Variants in SLC25A34 observed in about 807,000 individuals in gnomAD.
The protein encoded by SLC25A34 is solute carrier family 25 member 34, also known as solute carrier family 25, member 34.
A neutral mutation model predicts 28.1 loss-of-function variants in SLC25A34; 26 were observed. That is an observed-to-expected ratio of 0.93 (90% confidence interval 0.68 to 1.28). SLC25A34 has a LOEUF of 1.28. Among genes scored for constraint, SLC25A34 ranks in the 50% most tolerant of loss-of-function variants. The probability of loss-of-function intolerance (pLI) is 0.00; values close to 1 mark genes in which losing one functional copy is unlikely to be tolerated. For missense variants in SLC25A34, 384 were observed against 409.8 expected (o/e 0.94, Z 0.54); for synonymous variants, 182 against 182.2 (o/e 1.00, Z 0.01).
intron 1 of SLC25A34, 45 bp downstream of exon 1, chr1:15,736,908 C>A: frequency 6.8e-7 from 1 of 1,463,226 alleles, no homozygotes; most frequent in East Asian, 2.5e-5. Flanking sequence ...ATCCCATGAC[C>A]CAGCTCCCAC....
chr1:15,736,800 C>T lies in SLC25A34; in HGVS notation c.315C>T (p.Gly105=), dbSNP rs2068229350. Residue 105 remains glycine (G), a synonymous_variant, in exon 1 of 5, where the codon GGC becomes GGT. Transcript: ENST00000294454. The stretch of plus-strand genomic sequence containing the variant: ...CTGGCCTCACGCAGCAACCAGGTGG[C>T]ACCGTGGTTGCGGGAGCCGTGGCGG... ...CQAGLTQQPG[G]TVVAGAVAGA... 6.2e-7 allele frequency: 1 copy of T among 1,600,396 alleles called. No homozygotes were observed. Among genetic ancestry groups the T allele is most frequent in the Non-Finnish European group, 8.5e-7 (1 of 1,176,956 alleles).
intron 1 of SLC25A34, among the ~76,000 whole-genome samples, chr1:15,737,540 A>G (rs1359618161): frequency 6.6e-6 from 1 of 151,492 alleles, no homozygotes; most frequent in African/African-American, 2.4e-5. Flanking sequence ...ACTGTACTTC[A>G]GCCTGGGCAA....
rs2068273332 is a variant in SLC25A34 at position 15,740,845 on chromosome 1, A to T, written c.*1439A>T. The T allele has an allele frequency of 6.6e-6, 1 of 152,082 alleles. No individual in the cohort carries two copies. The highest frequency in any genetic ancestry group is 2.4e-5 in the African/African-American group (1 of 41,366). 9.4% of individuals were successfully genotyped at this position (152,082 alleles called of 1,614,324 possible). On this transcript the variant is annotated 3_prime_UTR_variant, in exon 5 of 5. Coordinates refer to ENST00000294454, the MANE Select transcript of SLC25A34 (RefSeq NM_207348.3). ...GCTGGGACTATAGGTGTGCGCCACC[A>T]TGCCCAGCTAATTTTGTATTTTTAG...
In SLC25A34 at chr1:15,738,921, A is replaced by G. The variant is rs554026815; in HGVS notation, c.732+193A>G. ...CCCGGGTCCCAGGCACAGGCTAAGC[A>G]CTTTCACATCTGGATTTTATTCCAT... On this transcript the variant is annotated intron_variant, in intron 4 of 4. Transcript: ENST00000294454. The G allele has an allele frequency of 4.5e-4, 313 of 690,384 alleles. No individual in the cohort carries two copies. In the African/African-American group the frequency reaches 5.4e-3, roughly 12 times the overall value. 42.8% of individuals were successfully genotyped at this position (690,384 alleles called of 1,614,324 possible). A position where few individuals can be genotyped will look rare whatever the true frequency, so the allele number is the denominator to read the frequency against.
At position 15,738,611 on chromosome 1, in the gene SLC25A34, C is replaced by T; in HGVS notation, c.615C>T (p.Ser205=). 6.2e-7 allele frequency: 1 copy of T among 1,607,230 alleles called. No homozygotes were observed. The highest frequency in any genetic ancestry group is 8.5e-7 in the Non-Finnish European group (1 of 1,178,264). ...CCCCACAGTGGCTCCCTGAGGACAG[C>T]TGGCTGGTGGCCCTGGCTGGGGGCA... ...VQKQQWLPED[S]WLVALAGGMI... is the part of the protein sequence containing the mutation. Residue 205 remains serine, a synonymous_variant, in exon 4 of 5, where the codon AGC becomes AGT. Transcript: ENST00000294454.
Position 15,736,575 on chromosome 1 carries a change from G to A in SLC25A34, c.90G>A (p.Val30=). ...ACVFTNPLEV[V]KTRLQLQGEL... ...TCTTCACCAACCCCCTGGAGGTGGT[G>A]AAGACGCGGCTGCAGCTGCAGGGGG... Residue 30 remains valine (V), a synonymous_variant, in exon 1 of 5, where the codon GTG becomes GTA. Coordinates refer to ENST00000294454, the MANE Select transcript of SLC25A34 (RefSeq NM_207348.3). 1 of 1,508,754 alleles carries A rather than the reference G, an allele frequency of 6.6e-7. No homozygotes were observed. Among genetic ancestry groups the A allele is most frequent in the Non-Finnish European group, 8.9e-7 (1 of 1,128,818 alleles). The allele number at this position is 1,508,754 out of a possible 1,614,324, so 93.5% of individuals were successfully genotyped here.
rs756521763 is a variant in SLC25A34 at position 15,739,441 on chromosome 1, G to C, written c.*35G>C. The C allele has an allele frequency of 1.0e-5, 15 of 1,487,042 alleles. No homozygotes were observed. Among genetic ancestry groups the C allele is most frequent in the Admixed American group, 4.9e-5 (2 of 40,910 alleles). The allele number at this position is 1,487,042 out of a possible 1,614,324, so 92.1% of individuals were successfully genotyped here. A position where few individuals can be genotyped will look rare whatever the true frequency, so the allele number is the denominator to read the frequency against. On this transcript the variant is annotated 3_prime_UTR_variant, in exon 5 of 5. Transcript: ENST00000294454. ...CTCACCCCCACGTCCTGACACGGCCGGCACTTGGCCGGAAGTGAGAGCCTG... is the reference window on the plus strand; with the variant it reads ...CTCACCCCCACGTCCTGACACGGCCCGCACTTGGCCGGAAGTGAGAGCCTG...
intron 4 of SLC25A34, 107 bp downstream of exon 4, chr1:15,738,835 CAG>C: frequency 7.5e-7 from 1 of 1,338,548 alleles, no homozygotes; most frequent in East Asian, 2.8e-5. Flanking sequence ...CATGCACAGC[CAG>C]AGACACGCAG....
intron 3 of SLC25A34, 147 bp from the exon 4 acceptor site, chr1:15,738,447 G>GT: frequency 6.1e-6 from 8 of 1,316,102 alleles, no homozygotes; most frequent in Non-Finnish European, 8.1e-6. Context: ...GGAGCTCAGG[G>GT]TGGCAGGGCT....
At chr1:15,738,781 AACACACACACAC>A in intron 4 of SLC25A34, 53 bp downstream of exon 4, 1 of 1,333,534 alleles carries the variant, frequency 7.5e-7, no homozygotes, top group Non-Finnish European at 9.8e-7. Flanking sequence ...GCACCCCCCC[AACACACACACAC>A]ACACACACAC....
In SLC25A34 at chr1:15,741,287, C is replaced by A. The variant is rs943898292; in HGVS notation, c.*1881C>A. On this transcript the variant is annotated 3_prime_UTR_variant, in exon 5 of 5. Transcript: ENST00000294454. The stretch of plus-strand genomic sequence containing the variant: ...AGGGGCAGGACTGCTGCCGAGCAGC[C>A]CCACCTGCCCTCCCAGCCACACCCC... 6.5e-6 allele frequency: 1 copy of A among 152,810 alleles called. No homozygotes were observed. The highest frequency in any genetic ancestry group is 6.5e-5 in the Admixed American group (1 of 15,288). The allele number at this position is 152,810 out of a possible 1,614,324, so 9.5% of individuals were successfully genotyped here.
In SLC25A34 at chr1:15,736,796, G is replaced by A; in HGVS notation, c.311G>A (p.Gly104Asp). ...ACQAGLTQQPGGTVVAGAVAG... is the reference protein window; with the variant it reads ...ACQAGLTQQPDGTVVAGAVAG... ...CAGGCTGGCCTCACGCAGCAACCAG[G>A]TGGCACCGTGGTTGCGGGAGCCGTG... Residue 104 changes from glycine to aspartate, a missense_variant, in exon 1 of 5, where the codon GGT (glycine) becomes GAT (aspartate). By Grantham distance (94) the Gly-to-Asp change is moderately conservative. Coordinates refer to ENST00000294454, the MANE Select transcript of SLC25A34 (RefSeq NM_207348.3). 6.2e-7 allele frequency: 1 copy of A among 1,601,388 alleles called. No homozygotes were observed. The highest frequency in any genetic ancestry group is 8.5e-7 in the Non-Finnish European group (1 of 1,177,404).
chr1:15,736,420 C>T lies in SLC25A34; in HGVS notation c.-66C>T, dbSNP rs909752828. On this transcript the variant is annotated 5_prime_UTR_variant, in exon 1 of 5. It adds an upstream start codon to the 5' untranslated region. Transcript: ENST00000294454. ...CCTGCGAGGTTACAGACAGCCTAAA[C>T]GCCACCACCACAGGGCCTGTGCCGT... is the stretch of plus-strand genomic sequence containing the variant. The T allele has an allele frequency of 5.0e-5, 68 of 1,369,050 alleles. No homozygotes were observed. The highest frequency in any genetic ancestry group is 5.8e-5 in the East Asian group (2 of 34,632). 84.8% of individuals were successfully genotyped at this position (1,369,050 alleles called of 1,614,324 possible). A position where few individuals can be genotyped will look rare whatever the true frequency, so the allele number is the denominator to read the frequency against.
At position 15,739,428 on chromosome 1, in the gene SLC25A34, T is replaced by G; in HGVS notation, c.*22T>G. The G allele has an allele frequency of 6.7e-7, 1 of 1,491,086 alleles. No individual in the cohort carries two copies. Among genetic ancestry groups the G allele is most frequent in the Non-Finnish European group, 8.9e-7 (1 of 1,121,408 alleles). 92.4% of individuals were successfully genotyped at this position (1,491,086 alleles called of 1,614,324 possible). A position where few individuals can be genotyped will look rare whatever the true frequency, so the allele number is the denominator to read the frequency against. On this transcript the variant is annotated 3_prime_UTR_variant, in exon 5 of 5. Coordinates refer to ENST00000294454, the MANE Select transcript of SLC25A34 (RefSeq NM_207348.3). ...CTAGACGACGGCCCTCACCCCCACG[T>G]CCTGACACGGCCGGCACTTGGCCGG...
At position 15,740,886 on chromosome 1, in the gene SLC25A34, G is replaced by C. The variant is rs1308859674; in HGVS notation, c.*1480G>C. On this transcript the variant is annotated 3_prime_UTR_variant, in exon 5 of 5. Coordinates refer to ENST00000294454, the MANE Select transcript of SLC25A34 (RefSeq NM_207348.3). The stretch of plus-strand genomic sequence containing the variant: ...GTATTTTTAGTAGAGACAGGCTTTC[G>C]CTGTGTTGGCCAGGCTGGTCTTGAA... 1.3e-5 allele frequency: 2 copies of C among 151,808 alleles called. No homozygotes were observed. Among genetic ancestry groups the C allele is most frequent in the Admixed American group, 1.3e-4 (2 of 15,244 alleles). The allele number at this position is 151,808 out of a possible 1,614,324, so 9.4% of individuals were successfully genotyped here.
At position 15,738,440 on chromosome 1, in the gene SLC25A34, G is replaced by C. The variant is rs528835898; in HGVS notation, c.598-154G>C. The stretch of plus-strand genomic sequence containing the variant: ...CAGTGAACCCCAAAGCTGAGAAGGA[G>C]CTCAGGGTGGCAGGGCTGGGGGATG... On this transcript the variant is annotated intron_variant, in intron 3 of 4. Transcript: ENST00000294454. Among the ~76,000 whole-genome samples, 64 of 152,306 alleles carry C rather than the reference G, an allele frequency of 4.2e-4. No homozygotes were observed. The South Asian group carries it at 0.01, about 25-fold the overall frequency.
intron 1 of SLC25A34, among the ~76,000 whole-genome samples, chr1:15,737,599 A>G (rs1047237055): frequency 6.6e-6 from 1 of 152,098 alleles, no homozygotes. Context: ...AAAGAAAAAA[A>G]AAGCTCCCCT....
rs1229942267 is a variant in SLC25A34, at chr1:15,740,037, A to G, written c.*631A>G. 1 of 152,228 alleles carries G rather than the reference A, an allele frequency of 6.6e-6. No individual in the cohort carries two copies. The highest frequency in any genetic ancestry group is 2.4e-5 in the African/African-American group (1 of 41,440). The allele number at this position is 152,228 out of a possible 1,614,324, so 9.4% of individuals were successfully genotyped here. A position where few individuals can be genotyped will look rare whatever the true frequency, so the allele number is the denominator to read the frequency against. The stretch of plus-strand genomic sequence containing the variant: ...GCTGGAGAAGCTGTAGCAAAGAACC[A>G]CAGACTGGGCGACTTAGACAATAGA... On this transcript the variant is annotated 3_prime_UTR_variant, in exon 5 of 5. Coordinates refer to ENST00000294454, the MANE Select transcript of SLC25A34 (RefSeq NM_207348.3).
At chr1:15,738,469 G>A (rs1393838132) in intron 3 of SLC25A34, 125 bp from the exon 4 acceptor site, 9 of 1,389,512 alleles carry the variant, frequency 6.5e-6, no homozygotes, top group Admixed American at 2.6e-5. Context: ...GGGGATGGCT[G>A]GAGGGGCCTC....
Sources: allele counts gnomAD v4.1 joint callset (sites outside exome capture counted in the v4.1 genomes callset), GRCh38; gene constraint gnomAD v4.1.1; transcripts MANE v1.5; gene names NCBI Gene and HGNC (gene_info 2026-07-23, HGNC 2026-07-21).